The following KCNMA1 variants were observed in gnomAD, a reference collection of about 807,000 sequenced individuals.
KCNMA1 encodes Calcium-activated potassium channel subunit alpha-1.
In KCNMA1, 29 loss-of-function variants were observed where a neutral mutation model predicts 140.0. The observed-to-expected ratio is 0.21, with a 90% CI of 0.15 to 0.28. The LOEUF is 0.28. Among genes scored for constraint, KCNMA1 ranks in the 10% least tolerant of loss-of-function variants. The probability of loss-of-function intolerance (pLI) is 1.00; values close to 1 mark genes in which losing one functional copy is unlikely to be tolerated. For missense variants in KCNMA1, 880 were observed against 1,602.2 expected, an observed-to-expected ratio of 0.55 and a Z score of 7.70; for synonymous variants, 612 against 611.9, an observed-to-expected ratio of 1.00 and a Z score of 0.00.
chr10:77,147,694 C>T (rs143069191), intron 5 of KCNMA1: 1 of 152,214 alleles, frequency 6.6e-6, no homozygotes, highest in Admixed American at 6.5e-5. Flanking sequence ...ATAATCCTCC[C>T]TTATCCCACT....
At chr10:77,123,724 T>C (rs2097676818) in intron 5 of KCNMA1, among the ~76,000 whole-genome samples, 1 of 152,138 alleles carries the variant, frequency 6.6e-6, no homozygotes, top group South Asian at 2.1e-4. Flanking sequence ...ATTTAACTTA[T>C]AAATTAGCAC....
chr10:76,959,583 T>C (rs1034502370), intron 20 of KCNMA1, among the ~76,000 whole-genome samples: 1 of 152,240 alleles, frequency 6.6e-6, no homozygotes, highest in Non-Finnish European at 1.5e-5. Flanking sequence ...ACTAGTCTTA[T>C]GGTTATCATC....
At chr10:77,020,300 T>C (rs534404867) in intron 16 of KCNMA1, 4 of 152,294 alleles carry the variant, frequency 2.6e-5, no homozygotes, top group African/African-American at 9.6e-5. Flanking sequence ...GATACGTCTG[T>C]AGTCATACAG....
chr10:77,391,550 T>C (rs11002150), intron 2 of KCNMA1, among the ~76,000 whole-genome samples: 31,008 of 152,198 alleles, frequency 0.2, 4,076 homozygotes, highest in Non-Finnish European at 0.3. Flanking sequence ...GAATAGTTTT[T>C]ACAATAAAAA....
chr10:77,005,198 G>GA lies in KCNMA1; in HGVS notation c.2093-3619dup, dbSNP rs144474430. Among the ~76,000 whole-genome samples, 925 of 152,324 alleles carry GA rather than the reference G, an allele frequency of 6.1e-3. 7 individuals are homozygous for GA. Among genetic ancestry groups the GA allele is most frequent in the African/African-American group, 0.021 (873 of 41,574 alleles). On this transcript the variant is annotated intron_variant, in intron 18 of 27. Coordinates refer to ENST00000286628, the MANE Select transcript of KCNMA1 (RefSeq NM_001161352.2). ...AACTAGCCTTTCTCCAAAAGGAGCA[G>GA]AAAGAGGACCCTGCTGTCTCTGAGA...
At chr10:77,233,558 TGA>T (rs1486330773) in intron 3 of KCNMA1, among the ~76,000 whole-genome samples, 23 of 152,198 alleles carry the variant, frequency 1.5e-4, no homozygotes, top group African/African-American at 4.8e-4. Flanking sequence ...CTGTTTATCG[TGA>T]ATGCAGAATG....
At chr10:77,608,534 C>T (rs2085421704) in intron 1 of KCNMA1, among the ~76,000 whole-genome samples, 1 of 152,042 alleles carries the variant, frequency 6.6e-6, no homozygotes, top group Admixed American at 6.6e-5. Flanking sequence ...AGGATGCACC[C>T]CCACACACAC....
In KCNMA1 at chr10:77,019,051, T is replaced by C. The variant is rs1296969699; in HGVS notation, c.1977A>G (p.Leu659=). 2 of 1,598,426 alleles carry C rather than the reference T, an allele frequency of 1.3e-6. No individual in the cohort carries two copies. The highest frequency in any genetic ancestry group is 8.6e-7 in the Non-Finnish European group (1 of 1,165,920). Residue 659 remains leucine, a synonymous_variant, in exon 17 of 28, where the codon TTA becomes TTG. Transcript: ENST00000286628. ...GNHLKIQEGT[L]GFFIASDAKE... ...TGGCATCACTTGCGATGAAAAATCC[T>C]AAAGTACCTTCTTGGATCTTAAGAT...
intron 3 of KCNMA1, among the ~76,000 whole-genome samples, chr10:77,225,596 C>A (rs1227280720): frequency 6.6e-6 from 1 of 152,238 alleles, no homozygotes; most frequent in African/African-American, 2.4e-5. Context: ...CCTCACCTCT[C>A]TCTGAACCAC....
chr10:77,543,148 T>C (rs756867145), intron 1 of KCNMA1, among the ~76,000 whole-genome samples: 2 of 152,146 alleles, frequency 1.3e-5, no homozygotes, highest in African/African-American at 4.8e-5. Flanking sequence ...TCCCCTCCTA[T>C]ATCCCCTCAT....
At chr10:77,244,300 T>C (rs2058058085) in intron 3 of KCNMA1, among the ~76,000 whole-genome samples, 1 of 152,206 alleles carries the variant, frequency 6.6e-6, no homozygotes, top group African/African-American at 2.4e-5. Flanking sequence ...TCTTTGACTC[T>C]AATACTATAT....
intron 1 of KCNMA1, among the ~76,000 whole-genome samples, chr10:77,620,867 G>A (rs549783711): frequency 6.6e-6 from 1 of 152,302 alleles, no homozygotes; most frequent in South Asian, 2.1e-4. Flanking sequence ...GGGCATGCAG[G>A]CTGTGCACTG....
intron 5 of KCNMA1, among the ~76,000 whole-genome samples, chr10:77,139,432 AG>A (rs1025345244): frequency 6.6e-6 from 1 of 152,238 alleles, no homozygotes; most frequent in Non-Finnish European, 1.5e-5. Flanking sequence ...TTCAGCTGAC[AG>A]AAACATTTTA....
At chr10:77,220,435 G>C (rs570421297) in intron 3 of KCNMA1, among the ~76,000 whole-genome samples, 1 of 152,328 alleles carries the variant, frequency 6.6e-6, no homozygotes, top group East Asian at 1.9e-4. Flanking sequence ...TGGCAGCAGG[G>C]TCTGGGATGG....
At chr10:77,168,687 C>A (rs2098670099) in intron 5 of KCNMA1, among the ~76,000 whole-genome samples, 1 of 151,988 alleles carries the variant, frequency 6.6e-6, no homozygotes. Context: ...ATAACAAGAG[C>A]AAAAATAACT....
chr10:77,425,537 A>C (rs1387941071), intron 1 of KCNMA1, among the ~76,000 whole-genome samples: 1 of 151,952 alleles, frequency 6.6e-6, no homozygotes, highest in African/African-American at 2.4e-5. Flanking sequence ...CCTTGTCCTC[A>C]TTTATTGCCA....
intron 13 of KCNMA1, among the ~76,000 whole-genome samples, chr10:77,075,447 A>G (rs562420964): frequency 5.5e-4 from 84 of 152,372 alleles, no homozygotes; most frequent in Non-Finnish European, 1.0e-3. Flanking sequence ...TCCAAGCCCT[A>G]AAGAGACAGC....
chr10:77,388,695 A>G (rs2095702199), intron 2 of KCNMA1, among the ~76,000 whole-genome samples: 1 of 152,234 alleles, frequency 6.6e-6, no homozygotes, highest in Admixed American at 6.5e-5. Flanking sequence ...AGCAGAAATA[A>G]TTAGCACCAG....
intron 16 of KCNMA1, chr10:77,021,239 C>A (rs1427460140): frequency 6.6e-6 from 1 of 152,110 alleles, no homozygotes; most frequent in East Asian, 1.9e-4. Flanking sequence ...CCTCACACTT[C>A]TCATCTGTAA....
Sources: gnomAD v4.1 joint callset for allele counts (sites outside exome capture counted in the v4.1 genomes callset) on GRCh38, gnomAD v4.1.1 for gene constraint, MANE v1.5 for transcripts, NCBI Gene and HGNC (gene_info 2026-07-23, HGNC 2026-07-21) for gene names.